Variants in NIPAL4 observed in about 807,000 individuals in gnomAD.
NIPAL4 encodes the protein magnesium transporter NIPA4.
In NIPAL4, 21 loss-of-function variants were observed where a neutral mutation model predicts 31.6. That is an observed-to-expected ratio of 0.67 (90% CI 0.47 to 0.96). NIPAL4 has a LOEUF of 0.96. Ranked by LOEUF, NIPAL4 falls within the 40% of genes least tolerant of loss-of-function variation. The pLI, the probability that NIPAL4 is intolerant of heterozygous loss-of-function variation, is 0.00. For synonymous variants in NIPAL4, 175 were observed against 211.1 expected (o/e 0.83, Z 1.48); for missense variants, 438 against 508.0 (o/e 0.86, Z 1.32).
In NIPAL4 at chr5:157,463,030, C is replaced by A; in HGVS notation, c.38-64C>A. ...ACAGGGTTTGAAACAGTGGCCAATT[C>A]CAATATTTTAAAAGTGTGCAATTGT... On this transcript the variant is annotated intron_variant, in intron 1 of 5. Transcript: ENST00000311946. 3 of 1,592,790 alleles carry A rather than the reference C, an allele frequency of 1.9e-6. No individual in the cohort carries two copies. The Middle Eastern group carries it at 5.0e-4, about 266-fold the overall frequency.
chr5:157,466,272 T>G (rs181467426), intron 2 of NIPAL4, among the ~76,000 whole-genome samples: 1 of 152,088 alleles, frequency 6.6e-6, no homozygotes, highest in East Asian at 1.9e-4. Context: ...AGCTCATCGT[T>G]TTTGGAGAGC....
intron 3 of NIPAL4, among the ~76,000 whole-genome samples, chr5:157,468,243 CCT>C (rs572548878): frequency 1.7e-3 from 258 of 152,154 alleles, no homozygotes; most frequent in African/African-American, 6.0e-3. Context: ...TAACCACCTG[CCT>C]CTTAGTCCAG....
chr5:157,468,143 G>A (rs575753863), intron 3 of NIPAL4, among the ~76,000 whole-genome samples: 4 of 150,664 alleles, frequency 2.7e-5, no homozygotes, highest in Admixed American at 6.6e-5. Flanking sequence ...TCGAACTCCC[G>A]ACCTCAGGTG....
chr5:157,460,310 C>T lies in NIPAL4; in HGVS notation c.-11C>T, dbSNP rs1002534870. The T allele has an allele frequency of 1.9e-6, 3 of 1,547,836 alleles. No homozygotes were observed. The highest frequency in any genetic ancestry group is 1.4e-5 in the African/African-American group (1 of 72,902). On this transcript the variant is annotated 5_prime_UTR_variant, in exon 1 of 6. Coordinates refer to ENST00000311946, the MANE Select transcript of NIPAL4 (RefSeq NM_001099287.2). ...GTCCGCCCGCGCGTCGGTTCGTGTG[C>T]CCCGGGCCCCATGGAGCTGCGGGTC...
At chr5:157,468,871 T>G in intron 4 of NIPAL4, 59 bp downstream of exon 4, 1 of 1,204,554 alleles carries the variant, frequency 8.3e-7, no homozygotes, top group Non-Finnish European at 1.2e-6. Flanking sequence ...TGTTGAGGCC[T>G]GGAATTGCCA....
At chr5:157,467,170 G>T in intron 3 of NIPAL4, 65 bp downstream of exon 3, 3 of 1,096,592 alleles carry the variant, frequency 2.7e-6, no homozygotes, top group Non-Finnish European at 1.4e-6. Context: ...ACAAAGGGAG[G>T]GGTGGGTAGG....
intron 1 of NIPAL4, among the ~76,000 whole-genome samples, chr5:157,461,391 G>GAGCCC (rs1754101816): frequency 6.6e-6 from 1 of 152,242 alleles, no homozygotes; most frequent in Non-Finnish European, 1.5e-5. Flanking sequence ...GCCCTTGGGT[G>GAGCCC]TTGCGGGCTT....
chr5:157,471,971 T>C (rs1420198011), intron 5 of NIPAL4, among the ~76,000 whole-genome samples, 154 bp downstream of exon 5: 2 of 152,216 alleles, frequency 1.3e-5, no homozygotes, highest in Non-Finnish European at 2.9e-5. Context: ...CTGGTACTTG[T>C]TAGCAAGGCT....
intron 2 of NIPAL4, 141 bp downstream of exon 2, chr5:157,463,474 G>C: frequency 1.9e-6 from 2 of 1,058,976 alleles, no homozygotes; most frequent in Non-Finnish European, 2.6e-6. Flanking sequence ...CTGCCAACAG[G>C]GTTAGGGTTT....
chr5:157,465,123 A>G (rs1362409995), intron 2 of NIPAL4, among the ~76,000 whole-genome samples: 1 of 152,214 alleles, frequency 6.6e-6, no homozygotes, highest in Non-Finnish European at 1.5e-5. Flanking sequence ...TGTGTGCTGC[A>G]AAATGAATAG....
intron 3 of NIPAL4, 87 bp from the exon 4 acceptor site, chr5:157,468,635 C>T: frequency 1.2e-6 from 1 of 816,072 alleles, no homozygotes; most frequent in Non-Finnish European, 2.2e-6. Context: ...CTGGGATTCT[C>T]CAGCTTGTTG....
At chr5:157,465,783 G>A in intron 2 of NIPAL4, among the ~76,000 whole-genome samples, 1 of 152,142 alleles carries the variant, frequency 6.6e-6, no homozygotes, top group East Asian at 1.9e-4. Context: ...CTTGAGTCCG[G>A]GAGTTTGAGA....
rs2113671472 is a variant in NIPAL4, at chr5:157,473,319, A to C, written c.*359A>C. 5.3e-6 allele frequency: 1 copy of C among 187,900 alleles called. No homozygotes were observed. Among genetic ancestry groups the C allele is most frequent in the African/African-American group, 2.3e-5 (1 of 42,866 alleles). 11.6% of individuals were successfully genotyped at this position (187,900 alleles called of 1,614,324 possible). On this transcript the variant is annotated 3_prime_UTR_variant, in exon 6 of 6. Coordinates refer to ENST00000311946, the MANE Select transcript of NIPAL4 (RefSeq NM_001099287.2). The stretch of plus-strand genomic sequence containing the variant: ...CAAGGACTTCTCTAAGATATTGGTC[A>C]TTGGAAGTTCCTTCACACCAATTCT...
intron 3 of NIPAL4, 138 bp from the exon 4 acceptor site, chr5:157,468,584 A>G (rs1754343779): frequency 1.5e-6 from 1 of 652,722 alleles, no homozygotes; most frequent in South Asian, 1.8e-5. Context: ...CAGACTCTCC[A>G]GGGAGAGAGC....
Position 157,460,347 on chromosome 5 carries a change from C to T in NIPAL4, c.27C>T (p.Ser9=). ...TGGAGCTGCGGGTCAGCAACACCAG[C>T]TGCGAGAACGGTGCGTACGGCAGGG... MELRVSNT[S]CENGSLLHLY... Residue 9 remains serine, a synonymous_variant, in exon 1 of 6, where the codon AGC becomes AGT. Transcript: ENST00000311946. 1 of 1,546,884 alleles carries T rather than the reference C, an allele frequency of 6.5e-7. No homozygotes were observed. The highest frequency in any genetic ancestry group is 8.7e-7 in the Non-Finnish European group (1 of 1,146,158).
At position 157,473,989 on chromosome 5, in the gene NIPAL4, G is replaced by C. The variant is rs760463937; in HGVS notation, c.*1029G>C. ...CTCTGGATACTAGGGGCTAACTTTT[G>C]TGTTGACTCTGGTGCTCATCTGGGA... On this transcript the variant is annotated 3_prime_UTR_variant, in exon 6 of 6. Coordinates refer to ENST00000311946, the MANE Select transcript of NIPAL4 (RefSeq NM_001099287.2). The C allele has an allele frequency of 6.6e-6, 1 of 152,322 alleles. No individual in the cohort carries two copies. Among genetic ancestry groups the C allele is most frequent in the African/African-American group, 2.4e-5 (1 of 41,472 alleles). The allele number at this position is 152,322 out of a possible 1,614,324, so 9.4% of individuals were successfully genotyped here.
chr5:157,463,893 C>G (rs1754183055), intron 2 of NIPAL4, among the ~76,000 whole-genome samples: 1 of 152,162 alleles, frequency 6.6e-6, no homozygotes. Context: ...ATGACTCATT[C>G]ATTTAATCAC....
chr5:157,470,829 A>T (rs1239058896), intron 4 of NIPAL4, among the ~76,000 whole-genome samples: 20 of 152,220 alleles, frequency 1.3e-4, no homozygotes, highest in Admixed American at 1.3e-3. Context: ...GGTATCTATA[A>T]GCCAAAGCTG....
At chr5:157,465,849 G>T (rs1754258143) in intron 2 of NIPAL4, among the ~76,000 whole-genome samples, 1 of 151,958 alleles carries the variant, frequency 6.6e-6, no homozygotes, top group African/African-American at 2.4e-5. Flanking sequence ...TTTTCAATTA[G>T]CCAGGCATGG....
Sources: allele counts gnomAD v4.1 joint callset (sites outside exome capture counted in the v4.1 genomes callset), GRCh38; gene constraint gnomAD v4.1.1; transcripts MANE v1.5; gene names NCBI Gene and HGNC (gene_info 2026-07-23, HGNC 2026-07-21).